The following XPNPEP2 variants were observed in gnomAD, a reference collection of about 807,000 sequenced individuals.
XPNPEP2 encodes xaa-Pro aminopeptidase 2.
In XPNPEP2, 64 loss-of-function variants were observed where a neutral mutation model predicts 59.8. The observed-to-expected ratio is 1.07, with a 90% confidence interval of 0.87 to 1.32. The LOEUF is 1.32. Among genes scored for constraint, XPNPEP2 ranks in the 40% most tolerant of loss-of-function variants. The pLI, the probability that XPNPEP2 is intolerant of heterozygous loss-of-function variation, is 0.00. For missense variants in XPNPEP2, 575 were observed against 546.8 expected (o/e 1.05, Z -0.51); for synonymous variants, 235 against 210.0 (o/e 1.12, Z -1.03).
intron 17 of XPNPEP2, 59 bp downstream of exon 17, chrX:129,761,335 G>A: frequency 2.0e-6 from 2 of 1,008,445 alleles, no homozygotes; most frequent in Non-Finnish European, 2.8e-6. Flanking sequence ...CTCTATGAAG[G>A]TAGAGAATTT....
chrX:129,762,555 C>G (rs148505361), intron 18 of XPNPEP2, 139 bp from the exon 19 acceptor site: 2 of 517,809 alleles, frequency 3.9e-6, no homozygotes, highest in African/African-American at 4.6e-5. Flanking sequence ...AAACATCTAA[C>G]CAGTTGTGGG....
intron 8 of XPNPEP2, 123 bp from the exon 9 acceptor site, chrX:129,751,622 G>GGGAGGAAGGAAA: frequency 5.1e-6 from 2 of 390,931 alleles, no homozygotes; most frequent in South Asian, 6.3e-5. Flanking sequence ...AAGGAAGGAA[G>GGGAGGAAGGAAA]GAAGGAAGGA....
chrX:129,757,895 GAAAGAA>G (rs1487770464), intron 14 of XPNPEP2, among the ~76,000 whole-genome samples: 215 of 13,705 alleles, frequency 0.016, 1 homozygote, highest in African/African-American at 0.039. Flanking sequence ...GAGAGAGAGA[GAAAGAA>G]AGAAAGAAAG....
intron 11 of XPNPEP2, 25 bp downstream of exon 11, chrX:129,753,273 G>A (rs199581850): frequency 2.0e-5 from 23 of 1,172,916 alleles, no homozygotes; most frequent in Non-Finnish European, 2.3e-5. Flanking sequence ...AGGCAGACAT[G>A]GCCTTTTGGG....
At position 129,751,815 on chromosome X, in the gene XPNPEP2, C is replaced by A. The variant is rs752176137; in HGVS notation, c.810C>A (p.Asp270Glu). Reference protein sequence around the residue: ...PFFYSYTLLTDSSIRLFANKS... With the variant: ...PFFYSYTLLTESSIRLFANKS... The stretch of plus-strand genomic sequence containing the variant: ...TCTATTCCTACACGCTGCTCACAGA[C>A]TCTTCTATTAGGTATGGCTTTTCCT... Residue 270 changes from aspartate to glutamate, a missense_variant, in exon 9 of 21, where the codon GAC becomes GAA. By Grantham distance (45) the Asp-to-Glu change is conservative. Transcript: ENST00000371106. 16 of 1,207,753 alleles carry A rather than the reference C, an allele frequency of 1.3e-5. No individual in the cohort carries two copies. The Admixed American group carries it at 3.5e-4, about 26-fold the overall frequency.
Position 129,759,089 on chromosome X carries a change from C to T in XPNPEP2, c.1368-91C>T, listed in dbSNP as rs1926608728. The T allele has an allele frequency of 2.8e-6, 3 of 1,089,242 alleles. No individual in the cohort carries two copies. The South Asian group carries it at 5.6e-5, about 20-fold the overall frequency. The allele number at this position is 1,089,242 out of a possible 1,213,427, so 89.8% of individuals were successfully genotyped here. A position where few individuals can be genotyped will look rare whatever the true frequency, so the allele number is the denominator to read the frequency against. ...CTTTCGCCGTCCACCCATCCCATCC[C>T]AGCCCTGCCACTTGTGGAAAGCACA... On this transcript the variant is annotated intron_variant, in intron 14 of 20. Coordinates refer to ENST00000371106, the MANE Select transcript of XPNPEP2 (RefSeq NM_003399.6).
intron 17 of XPNPEP2, among the ~76,000 whole-genome samples, 155 bp from the exon 18 acceptor site, chrX:129,761,851 G>T (rs976318204): frequency 8.9e-6 from 1 of 112,154 alleles, no homozygotes; most frequent in Admixed American, 9.4e-5. Flanking sequence ...GAGCCAATCT[G>T]GTGTGTGCCA....
At chrX:129,757,947 GAAAGAAAGAAAGAAAA>G (rs1168956471) in intron 14 of XPNPEP2, among the ~76,000 whole-genome samples, 16 of 87,219 alleles carry the variant, frequency 1.8e-4, no homozygotes, top group East Asian at 6.7e-4. Flanking sequence ...AAGAAAGAAA[GAAAGAAAGAAAGAAAA>G]AGAATAGGCT....
Position 129,743,974 on chromosome X carries a change from C to A in XPNPEP2, c.137C>A (p.Thr46Asn), listed in dbSNP as rs951146478. The A allele has an allele frequency of 1.7e-6, 2 of 1,208,782 alleles. No homozygotes were observed. Among genetic ancestry groups the A allele is most frequent in the African/African-American group, 3.5e-5 (2 of 57,820 alleles). The change falls in exon 3 of 21, where the codon ACT becomes AAT. Residue 46 changes from threonine to asparagine, a missense_variant. Coordinates refer to ENST00000371106, the MANE Select transcript of XPNPEP2 (RefSeq NM_003399.6). ...CSTNPPYLPVTVVNTTMSLTA... is the reference protein window; with the variant it reads ...CSTNPPYLPVNVVNTTMSLTA... ...GTCATCTGTCAGTACCTTCCAGTTACTGTGGTCAATACCACAATGTCACTC... is the reference window on the plus strand; with the variant it reads ...GTCATCTGTCAGTACCTTCCAGTTAATGTGGTCAATACCACAATGTCACTC...
intron 3 of XPNPEP2, among the ~76,000 whole-genome samples, 184 bp downstream of exon 3, chrX:129,744,255 G>A (rs946050809): frequency 6.2e-5 from 7 of 112,097 alleles, no homozygotes; most frequent in African/African-American, 9.7e-5. Flanking sequence ...CTACATAGGC[G>A]GGCAGACATT....
chrX:129,762,273 G>A (rs1282516887), intron 18 of XPNPEP2, among the ~76,000 whole-genome samples: 1 of 111,469 alleles, frequency 9.0e-6, no homozygotes, highest in Non-Finnish European at 1.9e-5. Flanking sequence ...CCCTCTTTTT[G>A]CTCTTGGGAG....
At chrX:129,747,789 A>G in intron 7 of XPNPEP2, 36 bp downstream of exon 7, 2 of 1,211,283 alleles carry the variant, frequency 1.7e-6, no homozygotes, top group Non-Finnish European at 2.2e-6. Flanking sequence ...CCCAACTTGT[A>G]GCAACGCAGG....
chrX:129,760,648 C>A (rs1222286764), intron 16 of XPNPEP2, 67 bp downstream of exon 16: 1 of 1,084,487 alleles, frequency 9.2e-7, no homozygotes, highest in African/African-American at 1.8e-5. Context: ...GACCATCACC[C>A]TGGGAGGCTG....
In XPNPEP2 at chrX:129,768,259, A is replaced by G. The variant is rs5975147; in HGVS notation, c.1831-32A>G. ...ACTTCACCTCTTGGCAGCTTGGCTT[A>G]GAGAGGCTGTCACCCCTTCTATCCT... On this transcript the variant is annotated intron_variant, in intron 20 of 20. Coordinates refer to ENST00000371106, the MANE Select transcript of XPNPEP2 (RefSeq NM_003399.6). 4,667 of 1,125,974 alleles carry G rather than the reference A, an allele frequency of 4.1e-3. 125 individuals carry two copies. The African/African-American group carries it at 0.074, about 18-fold the overall frequency. The allele number at this position is 1,125,974 out of a possible 1,213,427, so 92.8% of individuals were successfully genotyped here. A position where few individuals can be genotyped will look rare whatever the true frequency, so the allele number is the denominator to read the frequency against.
chrX:129,767,737 C>T (rs752464714), intron 20 of XPNPEP2, 45 bp downstream of exon 20: 1 of 1,163,505 alleles, frequency 8.6e-7, no homozygotes. Flanking sequence ...CTGGGCCTTT[C>T]CTGCCTCTGC....
At chrX:129,748,524 T>A (rs1926340207) in intron 7 of XPNPEP2, among the ~76,000 whole-genome samples, 1 of 111,904 alleles carries the variant, frequency 8.9e-6, no homozygotes, top group Non-Finnish European at 1.9e-5. Flanking sequence ...AGCCAAGAGA[T>A]CCCTTTCCGC....
chrX:129,759,075 C>A, intron 14 of XPNPEP2, 105 bp from the exon 15 acceptor site: 1 of 958,369 alleles, frequency 1.0e-6, no homozygotes, highest in Non-Finnish European at 1.5e-6. Flanking sequence ...TTTCGCCGTC[C>A]ACCCATCCCA....
At position 129,750,574 on chromosome X, in the gene XPNPEP2, G is replaced by C; in HGVS notation, c.739+5G>C. The C allele has an allele frequency of 8.5e-7, 1 of 1,174,682 alleles. No individual in the cohort carries two copies. The highest frequency in any genetic ancestry group is 1.1e-6 in the Non-Finnish European group (1 of 876,520). On this transcript the variant is annotated splice_donor_5th_base_variant and intron_variant, in intron 8 of 20. Transcript: ENST00000371106. Reference sequence around the variant, plus strand: ...CGGCGCTTGAGGAGACGGCCTGTGAGTGTGGATTTGCAGACATGGGTGGGC... The same window carrying C: ...CGGCGCTTGAGGAGACGGCCTGTGACTGTGGATTTGCAGACATGGGTGGGC...
rs2083592050 is a variant in XPNPEP2 at position 129,747,547 on chromosome X, A to G, written c.491-60A>G. 1.4e-5 allele frequency: 17 copies of G among 1,190,687 alleles called. No homozygotes were observed. The South Asian group carries it at 3.1e-4, about 22-fold the overall frequency. On this transcript the variant is annotated intron_variant, in intron 6 of 20. Transcript: ENST00000371106. ...AACCAGGACTAACTTTGCCTGAATC[A>G]CAATTTTTTCCTGGGGTGTAAATGG...
Sources: allele counts gnomAD v4.1 joint callset (sites outside exome capture counted in the v4.1 genomes callset), GRCh38; gene constraint gnomAD v4.1.1; transcripts MANE v1.5; gene names NCBI Gene and HGNC (gene_info 2026-07-23, HGNC 2026-07-21).